The following SUPT16H variants were observed in gnomAD, a reference collection of about 807,000 sequenced individuals.
The protein encoded by SUPT16H is FACT complex subunit SPT16.
A neutral mutation model predicts 136.2 loss-of-function variants in SUPT16H; 24 were observed. That is an observed-to-expected ratio of 0.18 (90% CI 0.13 to 0.25). The LOEUF (loss-of-function observed/expected upper bound fraction) is 0.25. Ranked by LOEUF, SUPT16H falls within the 10% of genes least tolerant of loss-of-function variation. The probability of loss-of-function intolerance (pLI) is 1.00; values close to 1 mark genes in which losing one functional copy is unlikely to be tolerated. For missense variants in SUPT16H, 623 were observed against 1,270.2 expected, an observed-to-expected ratio of 0.49 and a Z score of 7.74; for synonymous variants, 415 against 428.2, an observed-to-expected ratio of 0.97 and a Z score of 0.38.
At chr14:21,373,576 A>T in intron 1 of SUPT16H, 146 bp from the exon 2 acceptor site, 1 of 651,656 alleles carries the variant, frequency 1.5e-6, no homozygotes, top group East Asian at 2.7e-5. Context: ...TCTTACGGCT[A>T]TTCTATTTTT....
intron 3 of SUPT16H, 47 bp from the exon 4 acceptor site, chr14:21,370,535 A>G (rs1368469508): frequency 2.5e-6 from 4 of 1,594,240 alleles, no homozygotes; most frequent in African/African-American, 1.3e-5. Context: ...TTACCAGTTC[A>G]TTAGACACGT....
At chr14:21,361,310 G>GTTT in intron 15 of SUPT16H, 97 bp from the exon 16 acceptor site, 9 of 853,212 alleles carry the variant, frequency 1.1e-5, no homozygotes, top group Admixed American at 6.9e-5. Context: ...TCTCTACTTT[G>GTTT]CTTTTTTTTT....
Position 21,352,712 on chromosome 14 carries a change from G to C in SUPT16H, c.3105C>G (p.Ser1035=). ...TCTTGGGGGGTGCAGAGCTGTGTCT[G>C]GAACCACGGTTAGAGCCACGGCCCG... The part of the protein sequence containing the change: ...HSSGRGSNRG[S]RHSSAPPKKK... Residue 1035 remains serine, a synonymous_variant, in exon 26 of 26, where the codon TCC becomes TCG. Transcript: ENST00000216297. 6.2e-7 allele frequency: 1 copy of C among 1,614,108 alleles called. No individual in the cohort carries two copies. Among genetic ancestry groups the C allele is most frequent in the South Asian group, 1.1e-5 (1 of 91,074 alleles).
chr14:21,377,076 G>GAAAAAAAAAAAA (rs11323425), intron 1 of SUPT16H, among the ~76,000 whole-genome samples: 2 of 110,790 alleles, frequency 1.8e-5, no homozygotes, highest in African/African-American at 3.4e-5. Context: ...GAAAGAAAAA[G>GAAAAAAAAAAAA]AAAAAAAAAA....
intron 22 of SUPT16H, among the ~76,000 whole-genome samples, chr14:21,356,527 G>A (rs1482642265): frequency 2.6e-5 from 4 of 152,180 alleles, no homozygotes; most frequent in Non-Finnish European, 4.4e-5. Context: ...AGCCTTGAAA[G>A]ATCAAACAGA....
chr14:21,381,949 A>AC (rs1224629595), intron 1 of SUPT16H, among the ~76,000 whole-genome samples: 1 of 152,056 alleles, frequency 6.6e-6, no homozygotes, highest in African/African-American at 2.4e-5. Flanking sequence ...CAGTTTTCTT[A>AC]TTAAAAAAAG....
intron 7 of SUPT16H, among the ~76,000 whole-genome samples, chr14:21,367,916 G>A (rs556537095): frequency 6.6e-6 from 1 of 152,234 alleles, no homozygotes; most frequent in African/African-American, 2.4e-5. Flanking sequence ...TTGAGAGAAG[G>A]TCTCAACTCT....
Position 21,383,978 on chromosome 14 carries a change from G to A in SUPT16H, c.-51C>T, listed in dbSNP as rs372735332. 1.6e-4 allele frequency: 262 copies of A among 1,606,984 alleles called. 1 individual carries two copies. In the East Asian group the frequency reaches 3.5e-3, roughly 22 times the overall value. On this transcript the variant is annotated 5_prime_UTR_variant, in exon 1 of 26. Coordinates refer to ENST00000216297, the MANE Select transcript of SUPT16H (RefSeq NM_007192.4). ...GTTCCGAGAATCACGCGAGGTCCCGGCTCAGCCACCCGCTCTCGGCCCAGG... is the reference window on the plus strand; with the variant it reads ...GTTCCGAGAATCACGCGAGGTCCCGACTCAGCCACCCGCTCTCGGCCCAGG...
At chr14:21,378,206 C>T (rs150639176) in intron 1 of SUPT16H, among the ~76,000 whole-genome samples, 9 of 151,248 alleles carry the variant, frequency 6.0e-5, no homozygotes, top group African/African-American at 1.7e-4. Flanking sequence ...TCTTAAGAAA[C>T]AGAAGAAAAT....
intron 8 of SUPT16H, 98 bp downstream of exon 8, chr14:21,366,341 G>A (rs1886665672): frequency 2.7e-6 from 3 of 1,117,926 alleles, no homozygotes; most frequent in Non-Finnish European, 4.0e-6. Context: ...GTCCATAAAT[G>A]TTGGCTGAAT....
In SUPT16H at chr14:21,362,718, C is replaced by T. The variant is rs1594301554; in HGVS notation, c.1665+76G>A. The T allele has an allele frequency of 2.0e-6, 3 of 1,490,994 alleles. No homozygotes were observed. The East Asian group carries it at 6.8e-5, about 34-fold the overall frequency. 92.4% of individuals were successfully genotyped at this position (1,490,994 alleles called of 1,614,324 possible). On this transcript the variant is annotated intron_variant, in intron 14 of 25. Transcript: ENST00000216297. ...TCAAAAGTGGGAGACATGATGAATGCAGATTATTTATGGCAAATACAATTA... is the reference window on the plus strand; with the variant it reads ...TCAAAAGTGGGAGACATGATGAATGTAGATTATTTATGGCAAATACAATTA...
intron 2 of SUPT16H, 64 bp downstream of exon 2, chr14:21,373,274 T>C (rs912032488): frequency 3.1e-5 from 39 of 1,274,176 alleles, no homozygotes; most frequent in Admixed American, 1.2e-4. Flanking sequence ...GTGGCTACCA[T>C]ACTGAACAGT....
chr14:21,374,017 C>T (rs1427201484), intron 1 of SUPT16H, among the ~76,000 whole-genome samples: 2 of 152,230 alleles, frequency 1.3e-5, no homozygotes, highest in Non-Finnish European at 2.9e-5. Context: ...CATAAGCCAC[C>T]ATGCCTGGGC....
intron 22 of SUPT16H, among the ~76,000 whole-genome samples, chr14:21,356,570 C>G (rs963718114): frequency 6.6e-6 from 1 of 151,890 alleles, no homozygotes; most frequent in Admixed American, 6.6e-5. Flanking sequence ...CTAGAATAAC[C>G]TCATCTCTAG....
intron 8 of SUPT16H, among the ~76,000 whole-genome samples, chr14:21,365,658 T>G (rs1371415431): frequency 6.6e-6 from 1 of 152,340 alleles, no homozygotes; most frequent in East Asian, 1.9e-4. Context: ...AAAATGTCCT[T>G]TGTTCCATTA....
chr14:21,363,401 C>G, intron 11 of SUPT16H, 37 bp downstream of exon 11: 1 of 1,609,918 alleles, frequency 6.2e-7, no homozygotes, highest in Middle Eastern at 1.7e-4. Context: ...TCTTTATATC[C>G]TAAACTTCCT....
chr14:21,355,534 A>G (rs1188449137), intron 22 of SUPT16H, among the ~76,000 whole-genome samples: 2 of 122,550 alleles, frequency 1.6e-5, no homozygotes, highest in African/African-American at 5.5e-5. Context: ...AAAAAAAAAA[A>G]AAGAAAGAAA....
At chr14:21,377,076 G>GAAAAAAAAAAAAAAAAAAAAAAAAAAAA in intron 1 of SUPT16H, among the ~76,000 whole-genome samples, 1 of 110,790 alleles carries the variant, frequency 9.0e-6, no homozygotes, top group Non-Finnish European at 1.8e-5. Flanking sequence ...GAAAGAAAAA[G>GAAAAAAAAAAAAAAAAAAAAAAAAAAAA]AAAAAAAAAA....
intron 22 of SUPT16H, 82 bp downstream of exon 22, chr14:21,357,115 T>C: frequency 1.5e-6 from 2 of 1,358,518 alleles, no homozygotes; most frequent in Non-Finnish European, 1.9e-6. Flanking sequence ...TATCAGTAGA[T>C]TTTATGCACA....
Sources: gnomAD v4.1 joint callset for allele counts (sites outside exome capture counted in the v4.1 genomes callset) on GRCh38, gnomAD v4.1.1 for gene constraint, MANE v1.5 for transcripts, NCBI Gene and HGNC (gene_info 2026-07-23, HGNC 2026-07-21) for gene names.